PIK3CB: variants seen among roughly 807,000 people sequenced by gnomAD.
The protein encoded by PIK3CB is phosphatidylinositol-4,5-bisphosphate 3-kinase catalytic subunit beta, also known as phosphatidylinositol 4,5-bisphosphate 3-kinase catalytic subunit beta isoform.
Under a neutral mutation model 136.8 loss-of-function variants are expected in PIK3CB, and 39 were observed. The observed-to-expected ratio is 0.29, with a 90% confidence interval of 0.22 to 0.37. PIK3CB has a LOEUF of 0.37. Among genes scored for constraint, PIK3CB ranks in the 10% least tolerant of loss-of-function variants. The pLI is 1.00. For synonymous variants in PIK3CB, 428 were observed against 436.6 expected (o/e 0.98, Z 0.25); for missense variants, 868 against 1,275.4 (o/e 0.68, Z 4.87).
intron 1 of PIK3CB, among the ~76,000 whole-genome samples, chr3:138,819,489 C>T (rs1199884708): frequency 2.0e-5 from 3 of 152,122 alleles, no homozygotes; most frequent in Admixed American, 2.0e-4. Context: ...TCTGGGAAAA[C>T]TGAATATTAA....
At chr3:138,812,935 A>C (rs1933141743) in intron 1 of PIK3CB, among the ~76,000 whole-genome samples, 1 of 152,166 alleles carries the variant, frequency 6.6e-6, no homozygotes, top group South Asian at 2.1e-4. Context: ...CACTGAAATA[A>C]GTGAATGTAA....
chr3:138,750,018 C>G (rs1241840219), intron 4 of PIK3CB, among the ~76,000 whole-genome samples: 3 of 152,122 alleles, frequency 2.0e-5, no homozygotes, highest in African/African-American at 4.8e-5. Flanking sequence ...GCTGGGACTA[C>G]AGGCACACAC....
At chr3:138,674,668 C>T (rs781026650) in intron 19 of PIK3CB, among the ~76,000 whole-genome samples, 1 of 152,020 alleles carries the variant, frequency 6.6e-6, no homozygotes, top group Non-Finnish European at 1.5e-5. Flanking sequence ...TCAATGAAAC[C>T]GTCCTTCAGG....
intron 1 of PIK3CB, among the ~76,000 whole-genome samples, chr3:138,812,239 G>T (rs9868355): frequency 0.38 from 55,889 of 148,306 alleles, 12,355 homozygotes; most frequent in Admixed American, 0.55. Context: ...AGAATGAGAG[G>T]TTTTTTTTTT....
chr3:138,656,101 T>C, intron 23 of PIK3CB, 41 bp downstream of exon 23: 1 of 1,605,882 alleles, frequency 6.2e-7, no homozygotes, highest in South Asian at 1.1e-5. Flanking sequence ...CTGAGCTCAA[T>C]GCCCACAAAG....
intron 19 of PIK3CB, among the ~76,000 whole-genome samples, chr3:138,676,272 C>T (rs2043640705): frequency 6.6e-6 from 1 of 152,104 alleles, no homozygotes; most frequent in African/African-American, 2.4e-5. Flanking sequence ...TGAGATAACA[C>T]CTCAAACCTA....
In PIK3CB at chr3:138,698,942, A is replaced by T. The variant is rs2108529767; in HGVS notation, c.1735T>A (p.Ser579Thr). ...FPQSLPKLLL[S>T]IKWNKLEDVA... Reference sequence around the variant, plus strand: ...TCCTCAAGTTTATTCCACTTGATTGACAGCAGTAATTTTGGCAGTGATTGT... The same window carrying T: ...TCCTCAAGTTTATTCCACTTGATTGTCAGCAGTAATTTTGGCAGTGATTGT... The change falls in exon 13 of 24, where the codon TCA (serine) becomes ACA (threonine). Residue 579 changes from serine to threonine, a missense_variant. By Grantham distance (58) the Ser-to-Thr change is moderately conservative. Coordinates refer to ENST00000674063, the MANE Select transcript of PIK3CB (RefSeq NM_006219.3). The T allele has an allele frequency of 6.2e-7, 1 of 1,600,930 alleles. No homozygotes were observed. The highest frequency in any genetic ancestry group is 1.1e-5 in the South Asian group (1 of 89,360).
chr3:138,663,773 G>A (rs189066091), intron 21 of PIK3CB, 133 bp downstream of exon 21: 4 of 816,158 alleles, frequency 4.9e-6, no homozygotes, highest in African/African-American at 3.4e-5. Flanking sequence ...GAGAGGTAGT[G>A]AGAAATTGAA....
At chr3:138,723,522 C>G (rs2044776827) in intron 8 of PIK3CB, among the ~76,000 whole-genome samples, 2 of 152,094 alleles carry the variant, frequency 1.3e-5, no homozygotes, top group African/African-American at 4.8e-5. Flanking sequence ...TGCACTCCAG[C>G]CTGGGTGACA....
intron 1 of PIK3CB, among the ~76,000 whole-genome samples, chr3:138,820,044 A>C (rs989062569): frequency 6.6e-6 from 1 of 152,258 alleles, no homozygotes; most frequent in Non-Finnish European, 1.5e-5. Flanking sequence ...ATCCACTGTT[A>C]CGGACTAAAA....
intron 1 of PIK3CB, among the ~76,000 whole-genome samples, chr3:138,807,377 T>C (rs1302401592): frequency 6.6e-6 from 1 of 152,118 alleles, no homozygotes; most frequent in African/African-American, 2.4e-5. Context: ...GAGGTTGCAG[T>C]GAGCCGAGAT....
intron 8 of PIK3CB, among the ~76,000 whole-genome samples, chr3:138,723,330 C>A (rs1051845911): frequency 2.6e-5 from 4 of 152,078 alleles, no homozygotes; most frequent in Non-Finnish European, 5.9e-5. Context: ...GTGGGCAGAT[C>A]GCTTGAGCTC....
At position 138,665,161 on chromosome 3, in the gene PIK3CB, G is replaced by T; in HGVS notation, c.2547C>A (p.Gly849=). The change falls in exon 20 of 24, where the codon GGC becomes GGA. Residue 849 remains glycine (G), a synonymous_variant. Coordinates refer to ENST00000674063, the MANE Select transcript of PIK3CB (RefSeq NM_006219.3). ...YGCLATGDRS[G]LIEVVSTSET... The stretch of plus-strand genomic sequence containing the variant: ...CAGAGGTGCTCACAACTTCAATGAG[G>T]CCAGAGCGATCTCCTGTTGCTAAAC... 3.7e-6 allele frequency: 6 copies of T among 1,611,512 alleles called. No individual in the cohort carries two copies. Among genetic ancestry groups the T allele is most frequent in the Non-Finnish European group, 5.1e-6 (6 of 1,178,618 alleles).
At chr3:138,772,785 T>A (rs937288111) in intron 2 of PIK3CB, among the ~76,000 whole-genome samples, 2 of 138,876 alleles carry the variant, frequency 1.4e-5, no homozygotes, top group East Asian at 2.1e-4. Flanking sequence ...TTTATTCTCT[T>A]TTTTTTTTTT....
intron 16 of PIK3CB, chr3:138,685,079 G>C (rs1050394804): frequency 9.7e-6 from 3 of 308,728 alleles, no homozygotes; most frequent in Admixed American, 4.8e-5. Context: ...TAGATTATGG[G>C]TACTTAAGAT....
rs2043950453 is a variant in PIK3CB at position 138,688,865 on chromosome 3, A to C, written c.2136+10T>G. On this transcript the variant is annotated intron_variant, in intron 16 of 23. Transcript: ENST00000674063. ...AAAAGAAAAAATGAATAAATAAAACAAGCTGATACCTGCTTAGAAAGCACT... is the reference window on the plus strand; with the variant it reads ...AAAAGAAAAAATGAATAAATAAAACCAGCTGATACCTGCTTAGAAAGCACT... 6.4e-7 allele frequency: 1 copy of C among 1,567,162 alleles called. No individual in the cohort carries two copies. Among genetic ancestry groups the C allele is most frequent in the African/African-American group, 1.4e-5 (1 of 73,808 alleles).
chr3:138,789,598 C>T (rs2046025313), intron 2 of PIK3CB, among the ~76,000 whole-genome samples: 1 of 152,178 alleles, frequency 6.6e-6, no homozygotes, highest in Non-Finnish European at 1.5e-5. Context: ...CTGGTCACAA[C>T]AGCCAGAAGG....
intron 1 of PIK3CB, among the ~76,000 whole-genome samples, chr3:138,809,969 C>T (rs1438028980): frequency 6.6e-6 from 1 of 151,956 alleles, no homozygotes; most frequent in Non-Finnish European, 1.5e-5. Flanking sequence ...ACAAAGTAAG[C>T]CTTGAATATC....
chr3:138,809,393 G>A, intron 1 of PIK3CB, among the ~76,000 whole-genome samples: 1 of 151,698 alleles, frequency 6.6e-6, no homozygotes. Flanking sequence ...ATCACCTGAG[G>A]TCAGGAGTTC....
Sources: gnomAD v4.1 joint callset for allele counts (sites outside exome capture counted in the v4.1 genomes callset) on GRCh38, gnomAD v4.1.1 for gene constraint, MANE v1.5 for transcripts, NCBI Gene and HGNC (gene_info 2026-07-23, HGNC 2026-07-21) for gene names.